The following GPC5 variants were observed in gnomAD, a reference collection of about 807,000 sequenced individuals.
The protein encoded by GPC5 is glypican 5, also known as glypican-5.
In GPC5, 47 loss-of-function variants were observed where a neutral mutation model predicts 53.9. The observed-to-expected ratio is 0.87, with a 90% confidence interval of 0.69 to 1.11. The LOEUF (loss-of-function observed/expected upper bound fraction) is 1.11, where lower values mean the gene tolerates loss of function less well. Among genes scored for constraint, GPC5 ranks in the 50% most tolerant of loss-of-function variants. The pLI is 0.00. For missense variants in GPC5, 748 were observed against 713.1 expected, an observed-to-expected ratio of 1.05 and a Z score of -0.56; for synonymous variants, 286 against 263.3, an observed-to-expected ratio of 1.09 and a Z score of -0.84.
intron 7 of GPC5, among the ~76,000 whole-genome samples, chr13:92,330,285 C>A (rs72638652): frequency 6.6e-6 from 1 of 152,052 alleles, no homozygotes; most frequent in Admixed American, 6.6e-5. Context: ...TCTGTTATTA[C>A]CTCTGTTTAG....
chr13:92,194,780 A>G (rs1457056981), intron 7 of GPC5, among the ~76,000 whole-genome samples: 1 of 152,174 alleles, frequency 6.6e-6, no homozygotes, highest in Non-Finnish European at 1.5e-5. Flanking sequence ...TCCCCATCAG[A>G]TTTCACTTCC....
chr13:91,513,558 T>A (rs1413573027), intron 2 of GPC5, among the ~76,000 whole-genome samples: 2 of 151,984 alleles, frequency 1.3e-5, no homozygotes, highest in African/African-American at 4.8e-5. Flanking sequence ...CTGGCCAACA[T>A]AGTGAAACCC....
intron 7 of GPC5, among the ~76,000 whole-genome samples, chr13:92,708,542 C>G (rs891823064): frequency 1.3e-5 from 2 of 152,178 alleles, no homozygotes; most frequent in South Asian, 2.1e-4. Flanking sequence ...AGTCAAAAGT[C>G]TTTGACTTTT....
chr13:91,954,484 G>A lies in GPC5; in HGVS notation c.1401+46427G>A, dbSNP rs58965784. The stretch of plus-strand genomic sequence containing the variant: ...AATAAATACAAATAAGCAAAGTAGA[G>A]GAGAAAATGTATATGCATAAGCAAC... On this transcript the variant is annotated intron_variant, in intron 6 of 7. Transcript: ENST00000377067. Among the ~76,000 whole-genome samples the A allele has an allele frequency of 3.6e-3, 549 of 152,084 alleles. 2 individuals are homozygous for A. Among genetic ancestry groups the A allele is most frequent in the African/African-American group, 0.013 (527 of 41,496 alleles).
At chr13:91,941,642 A>G (rs1447058219) in intron 6 of GPC5, among the ~76,000 whole-genome samples, 3 of 152,114 alleles carry the variant, frequency 2.0e-5, no homozygotes, top group East Asian at 1.9e-4. Context: ...TCAGATATCA[A>G]TTTGTGCAGA....
chr13:92,177,178 C>G lies in GPC5; in HGVS notation c.1561+32189C>G, dbSNP rs547977384. On this transcript the variant is annotated intron_variant, in intron 7 of 7. Transcript: ENST00000377067. ...CTGGCTTCTGAAAACCACAAGCTTTCTGGCTTTTACACGGCATCTCAACTT... is the reference window on the plus strand; with the variant it reads ...CTGGCTTCTGAAAACCACAAGCTTTGTGGCTTTTACACGGCATCTCAACTT... Among the ~76,000 whole-genome samples, 9 of 152,328 alleles carry G rather than the reference C, an allele frequency of 5.9e-5. No individual in the cohort carries two copies. The East Asian group carries it at 1.7e-3, about 29-fold the overall frequency.
intron 6 of GPC5, among the ~76,000 whole-genome samples, chr13:91,960,800 A>C (rs1325609747): frequency 1.3e-5 from 2 of 151,970 alleles, no homozygotes; most frequent in African/African-American, 4.8e-5. Context: ...TCAAGAACAT[A>C]CACTGGGGAA....
intron 7 of GPC5, among the ~76,000 whole-genome samples, chr13:92,157,936 A>G (rs150710603): frequency 1.8e-3 from 281 of 152,346 alleles, no homozygotes; most frequent in Middle Eastern, 0.017. Context: ...GGAAATAGGT[A>G]TATCAGTAAA....
At chr13:91,793,005 G>C (rs549435788) in intron 5 of GPC5, among the ~76,000 whole-genome samples, 6 of 152,064 alleles carry the variant, frequency 3.9e-5, no homozygotes, top group Non-Finnish European at 8.8e-5. Flanking sequence ...CCTTCAAGTC[G>C]TTCCATTGAA....
intron 7 of GPC5, among the ~76,000 whole-genome samples, chr13:92,648,088 C>G (rs892587722): frequency 5.3e-5 from 8 of 151,938 alleles, no homozygotes; most frequent in African/African-American, 1.9e-4. Context: ...TCTAAATAAT[C>G]ACTAATAATC....
intron 7 of GPC5, among the ~76,000 whole-genome samples, chr13:92,793,452 C>T (rs187456987): frequency 6.6e-6 from 1 of 152,062 alleles, no homozygotes; most frequent in Non-Finnish European, 1.5e-5. Context: ...AAAATCGACA[C>T]CCTAACATCA....
intron 6 of GPC5, among the ~76,000 whole-genome samples, chr13:92,007,259 C>CA (rs1363419371): frequency 6.6e-6 from 1 of 152,174 alleles, no homozygotes; most frequent in African/African-American, 2.4e-5. Flanking sequence ...TGACATTGCA[C>CA]TATGCATTTG....
At chr13:92,115,999 C>T (rs1248902278) in intron 6 of GPC5, among the ~76,000 whole-genome samples, 3 of 152,128 alleles carry the variant, frequency 2.0e-5, no homozygotes, top group South Asian at 2.1e-4. Context: ...GCCTGTAATC[C>T]TAGCACTTTG....
At chr13:91,518,044 G>A (rs1885597646) in intron 2 of GPC5, among the ~76,000 whole-genome samples, 1 of 152,190 alleles carries the variant, frequency 6.6e-6, no homozygotes, top group Non-Finnish European at 1.5e-5. Flanking sequence ...ATAGCAAAAT[G>A]ATATAGTGGT....
At chr13:92,777,576 A>G (rs1053830425) in intron 7 of GPC5, among the ~76,000 whole-genome samples, 1 of 152,120 alleles carries the variant, frequency 6.6e-6, no homozygotes, top group African/African-American at 2.4e-5. Flanking sequence ...CCGAGGTCAC[A>G]CCACTGCACT....
intron 7 of GPC5, among the ~76,000 whole-genome samples, chr13:92,704,832 C>T (rs1887888562): frequency 8.2e-6 from 1 of 121,838 alleles, no homozygotes; most frequent in Admixed American, 9.3e-5. Flanking sequence ...CATATATATA[C>T]ACACACACTC....
chr13:92,260,930 A>C (rs536719791), intron 7 of GPC5, among the ~76,000 whole-genome samples: 4 of 152,302 alleles, frequency 2.6e-5, no homozygotes, highest in African/African-American at 9.6e-5. Context: ...TTCCTGAAAG[A>C]ATCAGCCCTT....
chr13:92,733,659 A>T (rs1170018773), intron 7 of GPC5, among the ~76,000 whole-genome samples: 2 of 151,798 alleles, frequency 1.3e-5, no homozygotes, highest in Admixed American at 1.3e-4. Flanking sequence ...TACATAGTTC[A>T]TATTTCTCTA....
intron 7 of GPC5, among the ~76,000 whole-genome samples, chr13:92,198,769 A>C (rs927429447): frequency 5.3e-5 from 8 of 152,154 alleles, no homozygotes; most frequent in Non-Finnish European, 7.4e-5. Context: ...AAGGATCCCC[A>C]AAAAAATTAT....
Sources: allele counts gnomAD v4.1 joint callset (sites outside exome capture counted in the v4.1 genomes callset), GRCh38; gene constraint gnomAD v4.1.1; transcripts MANE v1.5; gene names NCBI Gene and HGNC (gene_info 2026-07-23, HGNC 2026-07-21).